The following MLLT1 variants were observed in gnomAD, a reference collection of about 807,000 sequenced individuals.
MLLT1 encodes the protein protein ENL.
Under a neutral mutation model 55.1 loss-of-function variants are expected in MLLT1, and 11 were observed. The observed-to-expected ratio is 0.20, with a 90% CI of 0.13 to 0.33. The LOEUF is 0.33. Ranked by LOEUF, MLLT1 falls within the 10% of genes least tolerant of loss-of-function variation. The pLI, the probability that MLLT1 is intolerant of heterozygous loss-of-function variation, is 1.00. For missense variants in MLLT1, 536 were observed against 760.6 expected (o/e 0.70, Z 3.47); for synonymous variants, 323 against 320.1 (o/e 1.01, Z -0.10).
intron 3 of MLLT1, among the ~76,000 whole-genome samples, chr19:6,254,480 C>T (rs1600206120): frequency 6.6e-6 from 1 of 152,220 alleles, no homozygotes; most frequent in African/African-American, 2.4e-5. Context: ...GTCTGGGACT[C>T]GCGACTGGCA....
chr19:6,259,704 G>A (rs2091286553), intron 3 of MLLT1: 1 of 150,458 alleles, frequency 6.6e-6, no homozygotes, highest in African/African-American at 2.5e-5. Flanking sequence ...AGGGAGCGCT[G>A]CGATTCTCAG....
In MLLT1 at chr19:6,210,770, CGCCGGGCAGCT is replaced by C. The variant is rs2090759624; in HGVS notation, c.*2261_*2271del. On this transcript the variant is annotated 3_prime_UTR_variant, in exon 12 of 12. Coordinates refer to ENST00000252674, the MANE Select transcript of MLLT1 (RefSeq NM_005934.4). The surrounding 1 kb of genome is among the most constrained non-coding windows in gnomAD (Gnocchi z 4.6). ...TCCCCAGAGCCCTCGTGGGCCCAGCCGCCGGGCAGCTGGGGTGGGGTGGGAGAGCAGCTGGG... is the reference window on the plus strand; with the variant it reads ...TCCCCAGAGCCCTCGTGGGCCCAGCCGGGGTGGGGTGGGAGAGCAGCTGGG... 1 of 229,710 alleles carries C rather than the reference CGCCGGGCAGCT, an allele frequency of 4.4e-6. No individual in the cohort carries two copies. The highest frequency in any genetic ancestry group is 5.7e-5 in the Admixed American group (1 of 17,678). The allele number at this position is 229,710 out of a possible 1,614,324, so 14.2% of individuals were successfully genotyped here.
intron 3 of MLLT1, among the ~76,000 whole-genome samples, chr19:6,238,810 CCTT>C (rs1457668111): frequency 6.6e-6 from 1 of 150,722 alleles, no homozygotes; most frequent in Non-Finnish European, 1.5e-5. Flanking sequence ...TCCACCAGGG[CCTT>C]CTCCGGCCAG....
rs1305357229 is a variant in MLLT1 at position 6,240,798 on chromosome 19, T to C, written c.277-10085A>G. 6.6e-6 allele frequency among the ~76,000 whole-genome samples: 1 copy of C among 152,096 alleles called. No individual in the cohort carries two copies. The highest frequency in any genetic ancestry group is 6.5e-5 in the Admixed American group (1 of 15,278). ...TTCCTACCCTGCGTCCTTCTGTGCT[T>C]CGCATTTCCGATAACCAGAATCAAT... On this transcript the variant is annotated intron_variant, in intron 3 of 11. Transcript: ENST00000252674. The surrounding 1 kb of genome is among the most constrained non-coding windows in gnomAD (Gnocchi z 4.7).
rs2090843817 is a variant in MLLT1, at chr19:6,216,398, C to A, written c.1307+7G>T. The stretch of plus-strand genomic sequence containing the variant: ...CCTCCGCCCCCTGGCTCCCACCGGG[C>A]CGTCACCTGGAGTCCCTCCCCGGGT... On this transcript the variant is annotated splice_region_variant and intron_variant, in intron 8 of 11. Transcript: ENST00000252674. 2 of 1,596,896 alleles carry A rather than the reference C, an allele frequency of 1.3e-6. No individual in the cohort carries two copies. Among genetic ancestry groups the A allele is most frequent in the Non-Finnish European group, 1.7e-6 (2 of 1,172,022 alleles).
chr19:6,212,570 G>A lies in MLLT1; in HGVS notation c.*472C>T, dbSNP rs550772959. 6.4e-6 allele frequency: 7 copies of A among 1,087,940 alleles called. No individual in the cohort carries two copies. Among genetic ancestry groups the A allele is most frequent in the East Asian group, 4.9e-5 (1 of 20,540 alleles). 67.4% of individuals were successfully genotyped at this position (1,087,940 alleles called of 1,614,324 possible). On this transcript the variant is annotated 3_prime_UTR_variant, in exon 12 of 12. Transcript: ENST00000252674. ...CCGGCGCTAGGTCTACACGGAGGAC[G>A]ACGCAGACACACAGGCAGGGCCTTC...
chr19:6,279,909 C>CGCT lies in MLLT1; in HGVS notation c.-126_-125insAGC. 6.0e-6 allele frequency: 1 copy of CGCT among 166,916 alleles called. No individual in the cohort carries two copies. Among genetic ancestry groups the CGCT allele is most frequent in the Non-Finnish European group, 1.2e-5 (1 of 81,710 alleles). The allele number at this position is 166,916 out of a possible 1,614,324, so 10.3% of individuals were successfully genotyped here. A position where few individuals can be genotyped will look rare whatever the true frequency, so the allele number is the denominator to read the frequency against. On this transcript the variant is annotated 5_prime_UTR_variant, in exon 1 of 12. Transcript: ENST00000252674. The stretch of plus-strand genomic sequence containing the variant: ...GCGCCGCCGCCGCCGCCGCCGCCGC[C>CGCT]GATCCCGGCCGCCCGCTCGCCCGCC...
chr19:6,248,412 C>T (rs1188446010), intron 3 of MLLT1, among the ~76,000 whole-genome samples: 1 of 152,210 alleles, frequency 6.6e-6, no homozygotes, highest in Non-Finnish European at 1.5e-5. Flanking sequence ...TTCTTCTAAG[C>T]AACAACCAGT....
In MLLT1 at chr19:6,227,890, C is replaced by T. The variant is rs916674956; in HGVS notation, c.421-788G>A. On this transcript the variant is annotated intron_variant, in intron 4 of 11. Coordinates refer to ENST00000252674, the MANE Select transcript of MLLT1 (RefSeq NM_005934.4). The surrounding 1 kb of genome is among the most constrained non-coding windows in gnomAD (Gnocchi z 5.1). The stretch of plus-strand genomic sequence containing the variant: ...GCCACCACCACAGAGAAAAGCCTCC[C>T]AGATGGCCGCAAGAGAGAACAAAAG... Among the ~76,000 whole-genome samples the T allele has an allele frequency of 1.2e-4, 18 of 152,106 alleles. No homozygotes were observed. The highest frequency in any genetic ancestry group is 4.3e-4 in the African/African-American group (18 of 41,418).
chr19:6,262,756 AC>A lies in MLLT1; in HGVS notation c.194-447del. 6.6e-6 allele frequency among the ~76,000 whole-genome samples: 1 copy of A among 152,232 alleles called. No homozygotes were observed. The highest frequency in any genetic ancestry group is 1.5e-5 in the Non-Finnish European group (1 of 68,012). ...AGCACGGGGGCTGAGCACCTGCTGC[AC>A]CACGGACACATGCACTGGGAGACAG... On this transcript the variant is annotated intron_variant, in intron 2 of 11. Coordinates refer to ENST00000252674, the MANE Select transcript of MLLT1 (RefSeq NM_005934.4). The surrounding 1 kb of genome is among the most constrained non-coding windows in gnomAD (Gnocchi z 4.4).
At chr19:6,276,413 C>T (rs1254219289) in intron 1 of MLLT1, among the ~76,000 whole-genome samples, 1 of 152,160 alleles carries the variant, frequency 6.6e-6, no homozygotes, top group African/African-American at 2.4e-5. Context: ...ACAAACTTTC[C>T]CCGCTGAAGA....
intron 7 of MLLT1, 61 bp downstream of exon 7, chr19:6,217,893 G>A: frequency 1.3e-6 from 2 of 1,544,154 alleles, no homozygotes; most frequent in East Asian, 2.4e-5. Flanking sequence ...ATGCCCATGT[G>A]GCCTGAGCTC....
Position 6,230,145 on chromosome 19 carries a change from G to A in MLLT1, c.420+425C>T, listed in dbSNP as rs974285225. On this transcript the variant is annotated intron_variant, in intron 4 of 11. Transcript: ENST00000252674. This position sits in a 1 kb window ranked among gnomAD's most constrained non-coding sequence, Gnocchi z 9.0. Reference sequence around the variant, plus strand: ...GGGGGTCCCGGCCACACGACTCCTGGAGAGCCCTGGTCCCAGAGCTGGCAC... The same window carrying A: ...GGGGGTCCCGGCCACACGACTCCTGAAGAGCCCTGGTCCCAGAGCTGGCAC... 1.3e-5 allele frequency among the ~76,000 whole-genome samples: 2 copies of A among 152,198 alleles called. No individual in the cohort carries two copies. The highest frequency in any genetic ancestry group is 2.9e-5 in the Non-Finnish European group (2 of 68,032).
rs1044501708 is a variant in MLLT1 at position 6,219,829 on chromosome 19, T to G, written c.1111-1788A>C. Among the ~76,000 whole-genome samples, 2 of 152,228 alleles carry G rather than the reference T, an allele frequency of 1.3e-5. No individual in the cohort carries two copies. The highest frequency in any genetic ancestry group is 4.1e-4 in the South Asian group (2 of 4,834). ...CTGAGCCCCGAGAGGCCCCCAAGCC[T>G]GTCCTGGCGCCGTGCCAGACAGAGG... On this transcript the variant is annotated intron_variant, in intron 6 of 11. Coordinates refer to ENST00000252674, the MANE Select transcript of MLLT1 (RefSeq NM_005934.4). This position sits in a 1 kb window ranked among gnomAD's most constrained non-coding sequence, Gnocchi z 4.5.
chr19:6,236,456 C>A (rs2091061909), intron 3 of MLLT1, among the ~76,000 whole-genome samples: 2 of 152,150 alleles, frequency 1.3e-5, no homozygotes, highest in Non-Finnish European at 2.9e-5. Context: ...GTTGCCCACA[C>A]AAACCAAACA....
chr19:6,266,201 C>T (rs2091348037), intron 2 of MLLT1, among the ~76,000 whole-genome samples: 1 of 144,374 alleles, frequency 6.9e-6, no homozygotes, highest in East Asian at 2.0e-4. Context: ...TGCTTCAGCC[C>T]AAAGGTCAAG....
intron 7 of MLLT1, among the ~76,000 whole-genome samples, chr19:6,217,445 G>A (rs1391537804): frequency 1.3e-5 from 2 of 152,158 alleles, no homozygotes; most frequent in African/African-American, 4.8e-5. Context: ...CTCTGGGGCA[G>A]GCTGGTGCAG....
rs1028505692 is a variant in MLLT1 at position 6,219,902 on chromosome 19, G to C, written c.1111-1861C>G. 6.6e-6 allele frequency among the ~76,000 whole-genome samples: 1 copy of C among 152,230 alleles called. No homozygotes were observed. Among genetic ancestry groups the C allele is most frequent in the Non-Finnish European group, 1.5e-5 (1 of 68,030 alleles). On this transcript the variant is annotated intron_variant, in intron 6 of 11. Coordinates refer to ENST00000252674, the MANE Select transcript of MLLT1 (RefSeq NM_005934.4). This position sits in a 1 kb window ranked among gnomAD's most constrained non-coding sequence, Gnocchi z 4.5. Reference sequence around the variant, plus strand: ...CCCCTTTCCTTCCGCCCAAATCCAAGGGGCAGGGAGGAAAAGAATCCGGAA... The same window carrying C: ...CCCCTTTCCTTCCGCCCAAATCCAACGGGCAGGGAGGAAAAGAATCCGGAA...
At chr19:6,214,558 T>C (rs2090820281) in intron 8 of MLLT1, among the ~76,000 whole-genome samples, 2 of 152,198 alleles carry the variant, frequency 1.3e-5, no homozygotes, top group African/African-American at 4.8e-5. Flanking sequence ...GGGTATCTGG[T>C]GGTGGGGAGA....
Sources: allele counts gnomAD v4.1 joint callset (sites outside exome capture counted in the v4.1 genomes callset), GRCh38; gene constraint gnomAD v4.1.1; non-coding constraint Gnocchi (gnomAD v3.1); transcripts MANE v1.5; gene names NCBI Gene and HGNC (gene_info 2026-07-23, HGNC 2026-07-21).